CNTN4: variants seen among roughly 807,000 people sequenced by gnomAD.
The protein encoded by CNTN4 is contactin 4.
In CNTN4, 77 loss-of-function variants were observed where a neutral mutation model predicts 122.5. The ratio of observed to expected loss-of-function variants is 0.63; its 90% CI spans 0.52 to 0.76. CNTN4 has a LOEUF of 0.76. Ranked by LOEUF, CNTN4 falls within the 30% of genes least tolerant of loss-of-function variation. The probability of loss-of-function intolerance (pLI) is 0.00; values close to 1 mark genes in which losing one functional copy is unlikely to be tolerated. For missense variants in CNTN4, 1,256 were observed against 1,259.1 expected, an observed-to-expected ratio of 1.00 and a Z score of 0.04; for synonymous variants, 512 against 447.0, an observed-to-expected ratio of 1.15 and a Z score of -1.83.
intron 6 of CNTN4, among the ~76,000 whole-genome samples, chr3:2,772,766 C>T (rs544550810): frequency 5.9e-5 from 9 of 152,098 alleles, no homozygotes; most frequent in African/African-American, 2.2e-4. Flanking sequence ...TAGACATGAA[C>T]ATAAAGATTA....
At chr3:2,638,372 G>A (rs2082757692) in intron 4 of CNTN4, among the ~76,000 whole-genome samples, 1 of 152,122 alleles carries the variant, frequency 6.6e-6, no homozygotes, top group Non-Finnish European at 1.5e-5. Flanking sequence ...TCCCTTTCAG[G>A]AAGATGTGAA....
intron 2 of CNTN4, among the ~76,000 whole-genome samples, chr3:2,325,073 T>A (rs1386774076): frequency 6.6e-6 from 1 of 152,216 alleles, no homozygotes; most frequent in African/African-American, 2.4e-5. Context: ...GGATGTCAGA[T>A]CAAAGCTATT....
At chr3:2,317,586 T>C (rs2043147740) in intron 2 of CNTN4, among the ~76,000 whole-genome samples, 1 of 152,220 alleles carries the variant, frequency 6.6e-6, no homozygotes, top group African/African-American at 2.4e-5. Context: ...TCTTTATGTG[T>C]ACTCTTTGGC....
intron 3 of CNTN4, among the ~76,000 whole-genome samples, chr3:2,471,097 C>T (rs2075669460): frequency 1.3e-5 from 2 of 152,224 alleles, no homozygotes; most frequent in Admixed American, 1.3e-4. Flanking sequence ...AGGGACCAAT[C>T]ATTGTGAGTC....
Position 3,034,645 on chromosome 3 carries a change from C to G in CNTN4, c.1797C>G (p.Pro599=), listed in dbSNP as rs1311138133. Residue 599 remains proline (P), a synonymous_variant, in exon 17 of 25, where the codon CCC becomes CCG. Transcript: ENST00000418658. ...GCTCTTTCCCAGGTCCTCCAGGTCC[C>G]CCAGAGGCTGTGACAATAGACGAAA... ...ADLIVRGPPG[P]PEAVTIDEIT... 2 of 1,614,024 alleles carry G rather than the reference C, an allele frequency of 1.2e-6. No homozygotes were observed. The highest frequency in any genetic ancestry group is 1.7e-6 in the Non-Finnish European group (2 of 1,180,012).
chr3:2,606,349 G>C (rs539604176), intron 4 of CNTN4, among the ~76,000 whole-genome samples: 1 of 152,278 alleles, frequency 6.6e-6, no homozygotes, highest in African/African-American at 2.4e-5. Flanking sequence ...CAGGGGTCGA[G>C]GGGGAGGGAG....
intron 4 of CNTN4, among the ~76,000 whole-genome samples, chr3:2,628,931 G>T (rs941627203): frequency 6.6e-6 from 1 of 152,184 alleles, no homozygotes; most frequent in Non-Finnish European, 1.5e-5. Context: ...CCAGTTGTGT[G>T]GCAAATAGGT....
At chr3:2,505,564 A>C (rs1044863903) in intron 3 of CNTN4, among the ~76,000 whole-genome samples, 1 of 152,204 alleles carries the variant, frequency 6.6e-6, no homozygotes, top group Non-Finnish European at 1.5e-5. Context: ...CAAACTGTTT[A>C]AAAATTGCAA....
At chr3:2,617,419 C>CTTTT (rs71058631) in intron 4 of CNTN4, among the ~76,000 whole-genome samples, 32,201 of 107,636 alleles carry the variant, frequency 0.3, 6,204 homozygotes, top group Middle Eastern at 0.42. Context: ...AGAGAAATGC[C>CTTTT]TTTTTTTTTT....
rs1311500027 is a variant in CNTN4 at position 3,026,243 on chromosome 3, A to G, written c.1628A>G (p.Asp543Gly). 6.2e-7 allele frequency: 1 copy of G among 1,613,532 alleles called. No individual in the cohort carries two copies. Among genetic ancestry groups the G allele is most frequent in the Non-Finnish European group, 8.5e-7 (1 of 1,179,554 alleles). The change falls in exon 15 of 25, where the codon GAC becomes GGC. Residue 543 changes from aspartate to glycine, a missense_variant. Asp to Gly is a moderately conservative substitution (Grantham distance 94, BLOSUM62 -1). Coordinates refer to ENST00000418658, the MANE Select transcript of CNTN4 (RefSeq NM_175607.3). ...TTTAATGGACACCTGATAGACTTTG[A>G]CAGAGATGGGGACCACTTTGAAAGA... is the stretch of plus-strand genomic sequence containing the variant. Reference protein sequence around the residue: ...WSFNGHLIDFDRDGDHFERVG... With the variant: ...WSFNGHLIDFGRDGDHFERVG...
intron 14 of CNTN4, among the ~76,000 whole-genome samples, chr3:3,005,609 G>A (rs989731963): frequency 6.6e-6 from 1 of 152,194 alleles, no homozygotes; most frequent in Non-Finnish European, 1.5e-5. Context: ...CAAGGCACTG[G>A]CAGATCCAGG....
At chr3:2,527,673 T>G (rs2077448675) in intron 3 of CNTN4, among the ~76,000 whole-genome samples, 1 of 152,178 alleles carries the variant, frequency 6.6e-6, no homozygotes, top group Non-Finnish European at 1.5e-5. Context: ...CATCCCCTCT[T>G]TTCCTGAGGA....
At chr3:2,778,180 C>G (rs753103665) in intron 6 of CNTN4, among the ~76,000 whole-genome samples, 8 of 141,030 alleles carry the variant, frequency 5.7e-5, no homozygotes, top group African/African-American at 1.9e-4. Context: ...CGCCACTGCA[C>G]TCCAGCCTGG....
intron 24 of CNTN4, 124 bp downstream of exon 24, chr3:3,054,099 T>A: frequency 2.0e-6 from 2 of 1,002,302 alleles, no homozygotes; most frequent in Non-Finnish European, 3.1e-6. Flanking sequence ...TGGAGAACAC[T>A]ACCCCCCTTC....
rs552719563 is a variant in CNTN4, at chr3:2,606,316, A to G, written c.55+34758A>G. On this transcript the variant is annotated intron_variant, in intron 4 of 24. Coordinates refer to ENST00000418658, the MANE Select transcript of CNTN4 (RefSeq NM_175607.3). ...TCTTTGACACAGGGAGGAGAACAAC[A>G]TACACTGGGGCCTGTGGTAGGGCAG... Among the ~76,000 whole-genome samples the G allele has an allele frequency of 2.0e-5, 3 of 152,240 alleles. No individual in the cohort carries two copies. The South Asian group carries it at 6.2e-4, about 32-fold the overall frequency.
intron 6 of CNTN4, among the ~76,000 whole-genome samples, chr3:2,769,595 G>A (rs1198702946): frequency 6.6e-6 from 1 of 152,150 alleles, no homozygotes; most frequent in African/African-American, 2.4e-5. Context: ...GATGATGGTA[G>A]AAAATTGTGG....
intron 9 of CNTN4, among the ~76,000 whole-genome samples, chr3:2,885,931 G>A (rs914694242): frequency 6.6e-6 from 1 of 152,080 alleles, no homozygotes; most frequent in Non-Finnish European, 1.5e-5. Flanking sequence ...CCTTCCTGGC[G>A]GTCTCAAGGT....
At chr3:2,859,526 G>C (rs1031601226) in intron 7 of CNTN4, among the ~76,000 whole-genome samples, 1 of 137,330 alleles carries the variant, frequency 7.3e-6, no homozygotes, top group African/African-American at 2.8e-5. Flanking sequence ...TAACAAAAAG[G>C]ATGCTTTCCT....
chr3:2,615,484 AAC>A (rs2081679710), intron 4 of CNTN4, among the ~76,000 whole-genome samples: 1 of 152,150 alleles, frequency 6.6e-6, no homozygotes, highest in Non-Finnish European at 1.5e-5. Context: ...AGTGTCTTAA[AAC>A]AGTTCACATT....
Sources: allele counts gnomAD v4.1 joint callset (sites outside exome capture counted in the v4.1 genomes callset), GRCh38; gene constraint gnomAD v4.1.1; transcripts MANE v1.5; gene names NCBI Gene and HGNC (gene_info 2026-07-23, HGNC 2026-07-21).